ZBTB40: variants seen among roughly 807,000 people sequenced by gnomAD.
ZBTB40 encodes zinc finger and BTB domain containing 40, also known as zinc finger and BTB domain-containing protein 40.
A neutral mutation model predicts 117.5 loss-of-function variants in ZBTB40; 60 were observed. That is an observed-to-expected ratio of 0.51 (90% CI 0.41 to 0.63). The LOEUF (loss-of-function observed/expected upper bound fraction) is 0.63. Among genes scored for constraint, ZBTB40 ranks in the 30% least tolerant of loss-of-function variants. ZBTB40 has a pLI of 0.00. For synonymous variants in ZBTB40, 525 were observed against 577.1 expected (o/e 0.91, Z 1.29); for missense variants, 1,287 against 1,498.5 (o/e 0.86, Z 2.33).
chr1:22,517,422 C>T lies in ZBTB40; in HGVS notation c.2791C>T (p.Arg931Trp), dbSNP rs1388597107. The T allele has an allele frequency of 8.1e-6, 13 of 1,614,102 alleles. No homozygotes were observed. Among genetic ancestry groups the T allele is most frequent in the South Asian group, 4.4e-5 (4 of 91,082 alleles). Reference protein sequence around the residue: ...YVCRDCGKGFRQANGLSIHLH... With the variant: ...YVCRDCGKGFWQANGLSIHLH... ...CTGCAGAGACTGTGGCAAGGGCTTCCGGCAAGCCAATGGCCTCTCCATCCA... is the reference window on the plus strand; with the variant it reads ...CTGCAGAGACTGTGGCAAGGGCTTCTGGCAAGCCAATGGCCTCTCCATCCA... Residue 931 changes from arginine (R) to tryptophan (W), a missense_variant, in exon 13 of 18, where the codon CGG (arginine) becomes TGG (tryptophan). Transcript: ENST00000375647.
intron 16 of ZBTB40, 101 bp from the exon 17 acceptor site, chr1:22,524,117 C>A: frequency 1.7e-6 from 2 of 1,157,834 alleles, no homozygotes; most frequent in Non-Finnish European, 2.5e-6. Flanking sequence ...AAGCCTCGAT[C>A]CTCATTGCTC....
Position 22,508,011 on chromosome 1 carries a change from C to T in ZBTB40, c.1371C>T (p.Ser457=). The T allele has an allele frequency of 6.2e-7, 1 of 1,614,094 alleles. No individual in the cohort carries two copies. Among genetic ancestry groups the T allele is most frequent in the Non-Finnish European group, 8.5e-7 (1 of 1,180,034 alleles). Residue 457 remains serine, a synonymous_variant, in exon 7 of 18, where the codon AGC becomes AGT. Transcript: ENST00000375647. ...CTAATATCCTTACAGTCCAACCAAG[C>T]CCTGATGATTATGGGACTGAGCTAT... is the stretch of plus-strand genomic sequence containing the variant. ...ATLPSTTVQP[S]PDDYGTELLR...
Position 22,502,402 on chromosome 1 carries a change from A to T in ZBTB40, c.1128A>T (p.Glu376Asp). ...TGAGACCTATTATGGAGTCCCTGGAAACAGCCAAGGAGGAATTCCTGACTG... is the reference window on the plus strand; with the variant it reads ...TGAGACCTATTATGGAGTCCCTGGATACAGCCAAGGAGGAATTCCTGACTG... Reference protein sequence around the residue: ...TQLRPIMESLETAKEEFLTGT... With the variant: ...TQLRPIMESLDTAKEEFLTGT... The change falls in exon 5 of 18, where the codon GAA (glutamate) becomes GAT (aspartate). Residue 376 changes from glutamate (E) to aspartate (D), a missense_variant. Glu to Asp is a conservative substitution (Grantham distance 45). Transcript: ENST00000375647. The T allele has an allele frequency of 1.2e-6, 2 of 1,614,134 alleles. No individual in the cohort carries two copies. Among genetic ancestry groups the T allele is most frequent in the Non-Finnish European group, 1.7e-6 (2 of 1,179,990 alleles).
chr1:22,464,662 A>G (rs1233577502), intron 1 of ZBTB40, among the ~76,000 whole-genome samples: 1 of 152,252 alleles, frequency 6.6e-6, no homozygotes, highest in Non-Finnish European at 1.5e-5. Flanking sequence ...TAAGTCTGCC[A>G]TAATGACAGT....
rs773465840 is a variant in ZBTB40 at position 22,508,669 on chromosome 1, C to T, written c.1637C>T (p.Pro546Leu). Residue 546 changes from proline to leucine, a missense_variant, in exon 8 of 18, where the codon CCA (proline) becomes CTA (leucine). Pro to Leu is a moderately conservative substitution (Grantham distance 98). Coordinates refer to ENST00000375647, the MANE Select transcript of ZBTB40 (RefSeq NM_014870.4). ...GTGGTTCAGGAGACAAAGACCTGTC[C>T]ATTGGACCTGCTCATGGAGGAAATA... ...LLVVQETKTC[P>L]LDLLMEEIRR... is the part of the protein sequence containing the mutation. The T allele has an allele frequency of 6.2e-7, 1 of 1,614,208 alleles. No individual in the cohort carries two copies. Among genetic ancestry groups the T allele is most frequent in the Non-Finnish European group, 8.5e-7 (1 of 1,180,044 alleles).
rs148077022 is a variant in ZBTB40, at chr1:22,517,364, C to T, written c.2733C>T (p.His911=). 2.5e-5 allele frequency: 41 copies of T among 1,614,252 alleles called. No individual in the cohort carries two copies. Among genetic ancestry groups the T allele is most frequent in the African/African-American group, 5.3e-5 (4 of 75,062 alleles). Reference sequence around the variant, plus strand: ...CCCAGTCTATTGAGCTGTCCCGCCACGTGAGGACCCACACCGGGGACAAGC... The same window carrying T: ...CCCAGTCTATTGAGCTGTCCCGCCATGTGAGGACCCACACCGGGGACAAGC... ...VFAQSIELSR[H]VRTHTGDKPY... The change falls in exon 13 of 18, where the codon CAC becomes CAT. Residue 911 remains histidine (H), a synonymous_variant. Coordinates refer to ENST00000375647, the MANE Select transcript of ZBTB40 (RefSeq NM_014870.4).
rs2124453647 is a variant in ZBTB40 at position 22,508,684 on chromosome 1, T to C, written c.1652T>C (p.Met551Thr). 1 of 1,614,170 alleles carries C rather than the reference T, an allele frequency of 6.2e-7. No individual in the cohort carries two copies. ...ETKTCPLDLL[M>T]EEIRREPGAD... is the part of the protein sequence containing the mutation. ...AAGACCTGTCCATTGGACCTGCTCA[T>C]GGAGGAAATACGAAGGGAGCCTGGT... The change falls in exon 8 of 18, where the codon ATG becomes ACG. Residue 551 changes from methionine to threonine, a missense_variant. Met to Thr is a moderately conservative substitution (Grantham distance 81). Coordinates refer to ENST00000375647, the MANE Select transcript of ZBTB40 (RefSeq NM_014870.4).
chr1:22,455,701 C>G (rs527654270), intron 1 of ZBTB40, among the ~76,000 whole-genome samples: 1 of 152,224 alleles, frequency 6.6e-6, no homozygotes, highest in African/African-American at 2.4e-5. Context: ...CAAGAAGAGC[C>G]AGGGCATACC....
chr1:22,451,131 G>A (rs921618097), upstream of ZBTB40, among the ~76,000 whole-genome samples: 11 of 152,240 alleles, frequency 7.2e-5, no homozygotes, highest in African/African-American at 2.4e-4. Context: ...AAATTGGGAG[G>A]TGCGAGAGGC....
chr1:22,520,459 C>T (rs1281217405), intron 14 of ZBTB40, among the ~76,000 whole-genome samples, 184 bp downstream of exon 14: 1 of 152,202 alleles, frequency 6.6e-6, no homozygotes, highest in Non-Finnish European at 1.5e-5. Context: ...GGTCGGAGTG[C>T]TGCAGTGGGG....
chr1:22,454,386 A>G (rs1640958002), intron 1 of ZBTB40, among the ~76,000 whole-genome samples: 1 of 152,196 alleles, frequency 6.6e-6, no homozygotes, highest in Non-Finnish European at 1.5e-5. Flanking sequence ...AAGAAATAAC[A>G]AAGTTATTCC....
intron 1 of ZBTB40, among the ~76,000 whole-genome samples, chr1:22,479,850 A>G (rs570036162): frequency 1.3e-5 from 2 of 152,154 alleles, no homozygotes; most frequent in South Asian, 4.2e-4. Flanking sequence ...CTTTAGCTTC[A>G]TCTAATCTAT....
At chr1:22,470,511 G>T (rs539438850) in intron 1 of ZBTB40, among the ~76,000 whole-genome samples, 2 of 152,280 alleles carry the variant, frequency 1.3e-5, no homozygotes, top group Admixed American at 1.3e-4. Context: ...GAGCTTCATT[G>T]GGCTTCGGCT....
At chr1:22,516,978 G>A (rs552978054) in intron 12 of ZBTB40, among the ~76,000 whole-genome samples, 1 of 152,268 alleles carries the variant, frequency 6.6e-6, no homozygotes, top group Admixed American at 6.5e-5. Flanking sequence ...CTGGGCACAG[G>A]GATGTATCTG....
At chr1:22,524,056 G>GC (rs1553138888) in intron 16 of ZBTB40, among the ~76,000 whole-genome samples, 162 bp from the exon 17 acceptor site, 3 of 151,848 alleles carry the variant, frequency 2.0e-5, no homozygotes, top group Non-Finnish European at 4.4e-5. Flanking sequence ...TTTTCTTAAG[G>GC]CCCCCCAGAT....
chr1:22,433,213 C>G (rs1246789896), intron 1 of ZBTB40, among the ~76,000 whole-genome samples: 1 of 151,786 alleles, frequency 6.6e-6, no homozygotes, highest in Non-Finnish European at 1.5e-5. Context: ...GCAGGTGGAT[C>G]ACGAGGTCAG....
intron 13 of ZBTB40, 168 bp downstream of exon 13, chr1:22,517,632 T>G: frequency 1.2e-6 from 1 of 804,440 alleles, no homozygotes; most frequent in Non-Finnish European, 1.9e-6. Flanking sequence ...TCAGGAAGAA[T>G]CTCATTTTAA....
intron 1 of ZBTB40, among the ~76,000 whole-genome samples, chr1:22,455,269 T>C (rs570834029): frequency 6.6e-6 from 1 of 152,344 alleles, no homozygotes; most frequent in African/African-American, 2.4e-5. Flanking sequence ...CCAAAAGTTT[T>C]CAAAATAATG....
Position 22,490,616 on chromosome 1 carries a change from G to T in ZBTB40, c.668G>T (p.Ser223Ile). Reference sequence around the variant, plus strand: ...CCCTCCCCTGCTGTGCAAACCTTTAGTGAGGCAAAGAAGACAAGCACAGAA... The same window carrying T: ...CCCTCCCCTGCTGTGCAAACCTTTATTGAGGCAAAGAAGACAAGCACAGAA... ...CSPSPAVQTF[S>I]EAKKTSTEPG... The change falls in exon 2 of 18, where the codon AGT (serine) becomes ATT (isoleucine). Residue 223 changes from serine (S) to isoleucine (I), a missense_variant. Around this residue, in one of 2 missense-constraint regions of ZBTB40, gnomAD observed 870 missense variants for 934.4 expected, o/e 0.93. Coordinates refer to ENST00000375647, the MANE Select transcript of ZBTB40 (RefSeq NM_014870.4). 6.2e-7 allele frequency: 1 copy of T among 1,613,840 alleles called. No homozygotes were observed. Among genetic ancestry groups the T allele is most frequent in the Non-Finnish European group, 8.5e-7 (1 of 1,180,014 alleles).
Sources: gnomAD v4.1 joint callset for allele counts (sites outside exome capture counted in the v4.1 genomes callset) on GRCh38, gnomAD v4.1.1 for gene constraint, gnomAD v4.1.1 regional missense constraint, MANE v1.5 for transcripts, NCBI Gene and HGNC (gene_info 2026-07-23, HGNC 2026-07-21) for gene names.